Variants in PXDNL observed in about 807,000 individuals in gnomAD.
PXDNL encodes the protein probable oxidoreductase PXDNL.
PXDNL carries 145 observed loss-of-function variants against 150.8 expected under a neutral mutation model. The observed-to-expected ratio is 0.96, with a 90% CI of 0.84 to 1.10. PXDNL has a LOEUF of 1.10. PXDNL is among the 50% of genes least tolerant of loss of function. The probability of loss-of-function intolerance (pLI) is 0.00; values close to 1 mark genes in which losing one functional copy is unlikely to be tolerated. For missense variants in PXDNL, 2,087 were observed against 1,873.9 expected (o/e 1.11, Z -2.10); for synonymous variants, 757 against 725.7 (o/e 1.04, Z -0.69).
intron 1 of PXDNL, among the ~76,000 whole-genome samples, chr8:51,798,730 G>C (rs937886912): frequency 6.6e-6 from 1 of 152,180 alleles, no homozygotes; most frequent in Non-Finnish European, 1.5e-5. Flanking sequence ...TTACACTGTT[G>C]GTGGGAATGT....
chr8:51,548,832 T>C (rs555856171), intron 4 of PXDNL, among the ~76,000 whole-genome samples: 1 of 152,228 alleles, frequency 6.6e-6, no homozygotes, highest in East Asian at 1.9e-4. Context: ...CACATCTCAA[T>C]ACTAGCATTG....
intron 1 of PXDNL, among the ~76,000 whole-genome samples, chr8:51,724,622 A>C (rs1455750264): frequency 2.6e-5 from 4 of 152,188 alleles, no homozygotes; most frequent in African/African-American, 9.6e-5. Context: ...AGTTCTCCTT[A>C]GTCCATAAAA....
chr8:51,643,846 A>G (rs1341149666), intron 2 of PXDNL, among the ~76,000 whole-genome samples: 2 of 152,228 alleles, frequency 1.3e-5, no homozygotes, highest in Non-Finnish European at 2.9e-5. Context: ...CAAATTTACA[A>G]GAAAAAAACA....
chr8:51,587,400 T>G (rs1813347835), intron 3 of PXDNL, among the ~76,000 whole-genome samples: 1 of 152,194 alleles, frequency 6.6e-6, no homozygotes, highest in African/African-American at 2.4e-5. Context: ...TTTTTTAATT[T>G]GAAAGCACAA....
rs568329636 is a variant in PXDNL, at chr8:51,458,935, C to T, written c.813-1268G>A. Reference sequence around the variant, plus strand: ...CTTCTTCAGCTATTGGGTATAAAAACCCAATGTGAAGAAGTACCAATTAGC... The same window carrying T: ...CTTCTTCAGCTATTGGGTATAAAAATCCAATGTGAAGAAGTACCAATTAGC... On this transcript the variant is annotated intron_variant, in intron 8 of 22. Transcript: ENST00000356297. Among the ~76,000 whole-genome samples the T allele has an allele frequency of 5.3e-4, 76 of 144,252 alleles. 1 individual carries two copies. Among genetic ancestry groups the T allele is most frequent in the Non-Finnish European group, 1.0e-3 (68 of 67,014 alleles). The allele number at this position is 144,252 out of a possible 152,430, so 94.6% of individuals were successfully genotyped here.
chr8:51,435,501 A>T (rs1413782269), intron 12 of PXDNL: 14 of 162,146 alleles, frequency 8.6e-5, no homozygotes, highest in African/African-American at 2.9e-4. Context: ...TAAAATTTTT[A>T]AAAAAAGTAA....
At chr8:51,621,625 A>G (rs1814255969) in intron 2 of PXDNL, among the ~76,000 whole-genome samples, 1 of 152,118 alleles carries the variant, frequency 6.6e-6, no homozygotes, top group African/African-American at 2.4e-5. Context: ...GCCTGTGACT[A>G]TGATAACTTA....
chr8:51,655,801 G>A (rs1329518878), intron 1 of PXDNL, among the ~76,000 whole-genome samples: 1 of 152,016 alleles, frequency 6.6e-6, no homozygotes, highest in Admixed American at 6.6e-5. Context: ...GAACATCTAG[G>A]GTCACTACCT....
At chr8:51,469,904 C>A (rs1457342692) in intron 8 of PXDNL, among the ~76,000 whole-genome samples, 1 of 152,042 alleles carries the variant, frequency 6.6e-6, no homozygotes, top group Non-Finnish European at 1.5e-5. Flanking sequence ...TTTTGACAGA[C>A]ATTTTTACCC....
At chr8:51,454,858 G>C (rs1304146338) in intron 9 of PXDNL, among the ~76,000 whole-genome samples, 1 of 152,128 alleles carries the variant, frequency 6.6e-6, no homozygotes, top group African/African-American at 2.4e-5. Flanking sequence ...ACAGAGGACA[G>C]AACACATCAT....
chr8:51,610,839 T>C (rs898507516), intron 2 of PXDNL, among the ~76,000 whole-genome samples: 2 of 152,224 alleles, frequency 1.3e-5, no homozygotes, highest in Admixed American at 6.5e-5. Flanking sequence ...CTGTTTCTTC[T>C]TCCAGCCTCT....
chr8:51,401,125 A>G (rs987724329), intron 17 of PXDNL, among the ~76,000 whole-genome samples: 3 of 152,210 alleles, frequency 2.0e-5, no homozygotes, highest in Non-Finnish European at 2.9e-5. Flanking sequence ...CATTCAACTA[A>G]TATGTTCTCT....
At chr8:51,515,731 A>T (rs548544579) in intron 4 of PXDNL, among the ~76,000 whole-genome samples, 97 of 152,340 alleles carry the variant, frequency 6.4e-4, no homozygotes, top group African/African-American at 2.2e-3. Flanking sequence ...CTTACTTGTC[A>T]CAAGTGGAAA....
chr8:51,494,650 C>T (rs1377823220), intron 5 of PXDNL, among the ~76,000 whole-genome samples: 3 of 152,104 alleles, frequency 2.0e-5, no homozygotes, highest in Admixed American at 1.3e-4. Flanking sequence ...ATAAAACAGA[C>T]TTTAAACCAA....
At chr8:51,614,632 T>C (rs1315186866) in intron 2 of PXDNL, among the ~76,000 whole-genome samples, 2 of 152,204 alleles carry the variant, frequency 1.3e-5, no homozygotes, top group African/African-American at 4.8e-5. Flanking sequence ...TTTAACCCTG[T>C]ATTATAGAGA....
rs748474859 is a variant in PXDNL at position 51,320,856 on chromosome 8, T to C, written c.4188A>G (p.Thr1396=). Residue 1396 remains threonine (T), a synonymous_variant, in exon 22 of 23, where the codon ACA becomes ACG. Transcript: ENST00000356297. ...CCTTCCTTGGAACCCCTCTAACATC[T>C]GTACACCCTGCCTGCCTCAGGCGTG... ...LEARLRQAGC[T]DVRGVPRKAE... 55 of 1,613,826 alleles carry C rather than the reference T, an allele frequency of 3.4e-5. No homozygotes were observed. Among genetic ancestry groups the C allele is most frequent in the Non-Finnish European group, 4.2e-5 (50 of 1,179,878 alleles).
At chr8:51,336,525 T>C (rs1037631531) in intron 21 of PXDNL, among the ~76,000 whole-genome samples, 4 of 152,206 alleles carry the variant, frequency 2.6e-5, no homozygotes, top group Admixed American at 6.5e-5. Context: ...CAAAAGACCG[T>C]TGGCCCTCAC....
At chr8:51,347,349 A>G (rs933726834) in intron 19 of PXDNL, among the ~76,000 whole-genome samples, 1 of 152,230 alleles carries the variant, frequency 6.6e-6, no homozygotes, top group African/African-American at 2.4e-5. Context: ...AAATAACACA[A>G]CAAACTGCAA....
chr8:51,482,377 C>T (rs1563431268), intron 6 of PXDNL, among the ~76,000 whole-genome samples: 1 of 152,176 alleles, frequency 6.6e-6, no homozygotes, highest in Admixed American at 6.5e-5. Context: ...AACTAACTTG[C>T]TTTTGATTTT....
Sources: gnomAD v4.1 joint callset for allele counts (sites outside exome capture counted in the v4.1 genomes callset) on GRCh38, gnomAD v4.1.1 for gene constraint, MANE v1.5 for transcripts, NCBI Gene and HGNC (gene_info 2026-07-23, HGNC 2026-07-21) for gene names.